The following GRIA3 variants were observed in gnomAD, a reference collection of about 807,000 sequenced individuals.
GRIA3 encodes glutamate ionotropic receptor AMPA type subunit 3, also known as glutamate receptor 3.
A neutral mutation model predicts 63.0 loss-of-function variants in GRIA3; 3 were observed. The observed-to-expected ratio is 0.05, with a 90% CI of 0.02 to 0.12. The LOEUF (loss-of-function observed/expected upper bound fraction) is 0.12. Among genes scored for constraint, GRIA3 ranks in the 10% least tolerant of loss-of-function variants. The pLI is 1.00. For synonymous variants in GRIA3, 274 were observed against 257.9 expected, an observed-to-expected ratio of 1.06 and a Z score of -0.60; for missense variants, 347 against 700.9, an observed-to-expected ratio of 0.50 and a Z score of 5.70.
chrX:123,239,915 A>G (rs2044320705), intron 2 of GRIA3, among the ~76,000 whole-genome samples: 1 of 112,138 alleles, frequency 8.9e-6, no homozygotes, highest in African/African-American at 3.2e-5. Flanking sequence ...CATTTTGAGC[A>G]AGTACCTTTC....
Position 123,260,457 on chromosome X carries a change from A to AAAGAAAGAAAGG in GRIA3, c.508+6918_508+6919insAAAGAAAGGAAG, listed in dbSNP as rs1556255552. Among the ~76,000 whole-genome samples the AAAGAAAGAAAGG allele has an allele frequency of 3.7e-3, 40 of 10,847 alleles. 7 individuals carry two copies. Among genetic ancestry groups the AAAGAAAGAAAGG allele is most frequent in the South Asian group, 0.015 (1 of 67 alleles). The allele number at this position is 10,847 out of a possible 115,157, so 9.4% of individuals were successfully genotyped here. A position where few individuals can be genotyped will look rare whatever the true frequency, so the allele number is the denominator to read the frequency against. On this transcript the variant is annotated intron_variant, in intron 3 of 15. Transcript: ENST00000620443. ...GAAAGAAAGAAAGAAAGAAAGAAAG[A>AAAGAAAGAAAGG]AAGGAAGGAAGAAGAAAGGAAAGAA...
intron 3 of GRIA3, among the ~76,000 whole-genome samples, chrX:123,314,582 G>T (rs1053273062): frequency 8.9e-6 from 1 of 111,899 alleles, no homozygotes; most frequent in Non-Finnish European, 1.9e-5. Flanking sequence ...TTTCCTTTCA[G>T]CTGACAATGC....
chrX:123,189,328 T>A (rs1219627975), intron 2 of GRIA3, among the ~76,000 whole-genome samples: 3 of 112,404 alleles, frequency 2.7e-5, no homozygotes, highest in East Asian at 5.6e-4. Flanking sequence ...AAGTTACATG[T>A]GTGTTTTTTA....
chrX:123,408,743 C>T (rs2045489596), intron 10 of GRIA3, among the ~76,000 whole-genome samples: 1 of 112,290 alleles, frequency 8.9e-6, no homozygotes, highest in African/African-American at 3.2e-5. Context: ...CCTCCTTCCC[C>T]TGCCTAAAAC....
chrX:123,194,096 A>C (rs896373077), intron 2 of GRIA3, among the ~76,000 whole-genome samples: 28 of 111,293 alleles, frequency 2.5e-4, no homozygotes, highest in African/African-American at 9.2e-4. Context: ...GACCGAAGTC[A>C]TACCCTTCTG....
At chrX:123,353,317 G>A (rs970405146) in intron 4 of GRIA3, among the ~76,000 whole-genome samples, 2 of 111,932 alleles carry the variant, frequency 1.8e-5, no homozygotes, top group African/African-American at 6.5e-5. Context: ...GGGTTCTAGA[G>A]GCAAATGGAC....
At chrX:123,358,362 G>C (rs1304458406) in intron 5 of GRIA3, 1 of 112,254 alleles carries the variant, frequency 8.9e-6, no homozygotes, top group Non-Finnish European at 1.9e-5. Context: ...TTGATACTGA[G>C]CTCTATCTGG....
intron 3 of GRIA3, among the ~76,000 whole-genome samples, chrX:123,267,448 T>C (rs2044494994): frequency 8.9e-6 from 1 of 112,137 alleles, no homozygotes; most frequent in Non-Finnish European, 1.9e-5. Flanking sequence ...TCTCAGCCAG[T>C]AGAATCATTA....
intron 5 of GRIA3, among the ~76,000 whole-genome samples, chrX:123,360,532 A>T (rs1222050515): frequency 9.9e-6 from 1 of 101,145 alleles, no homozygotes; most frequent in Non-Finnish European, 2.0e-5. Context: ...AAAAAAAAAA[A>T]AAAAAAAAAA....
chrX:123,220,883 G>C (rs1163489698), intron 2 of GRIA3, among the ~76,000 whole-genome samples: 2 of 111,983 alleles, frequency 1.8e-5, no homozygotes, highest in Non-Finnish European at 3.8e-5. Flanking sequence ...TGCTCAATGA[G>C]TACATGGAAA....
intron 2 of GRIA3, among the ~76,000 whole-genome samples, chrX:123,236,014 C>G (rs1193790209): frequency 9.0e-6 from 1 of 111,394 alleles, no homozygotes; most frequent in Non-Finnish European, 1.9e-5. Context: ...GACGTTTCTT[C>G]AGCCTTTCCA....
At chrX:123,272,224 C>T (rs1046161433) in intron 3 of GRIA3, among the ~76,000 whole-genome samples, 4 of 111,449 alleles carry the variant, frequency 3.6e-5, no homozygotes, top group Non-Finnish European at 5.7e-5. Flanking sequence ...GAGCCTGGGG[C>T]CCTAACCACG....
chrX:123,343,982 A>ATTGTGAG (rs1410474663), intron 4 of GRIA3, among the ~76,000 whole-genome samples: 2 of 111,278 alleles, frequency 1.8e-5, no homozygotes, highest in African/African-American at 6.6e-5. Context: ...TTTAGGTCTC[A>ATTGTGAG]CAATAACCCT....
At position 123,342,207 on chromosome X, in the gene GRIA3, A is replaced by G. The variant is rs772267229; in HGVS notation, c.697-12703A>G. On this transcript the variant is annotated intron_variant, in intron 4 of 15. Transcript: ENST00000620443. ...CCCCCTGCTTTTGAAAGGTATAGCT[A>G]TAGCTAATAACCTTTACTTTGGGCT... Among the ~76,000 whole-genome samples the G allele has an allele frequency of 6.2e-5, 7 of 112,372 alleles. No individual in the cohort carries two copies. The East Asian group carries it at 2.0e-3, about 31-fold the overall frequency.
chrX:123,392,651 A>G (rs2045392977), intron 5 of GRIA3, among the ~76,000 whole-genome samples: 1 of 111,873 alleles, frequency 8.9e-6, no homozygotes, highest in African/African-American at 3.3e-5. Context: ...CTTCCAGATG[A>G]TCCCAGCCAA....
At chrX:123,345,570 G>A (rs759965417) in intron 4 of GRIA3, among the ~76,000 whole-genome samples, 3 of 110,233 alleles carry the variant, frequency 2.7e-5, no homozygotes, top group East Asian at 2.8e-4. Flanking sequence ...AGAGGATGGC[G>A]CAGGGGAAGG....
At chrX:123,264,251 G>C (rs779901289) in intron 3 of GRIA3, among the ~76,000 whole-genome samples, 1 of 112,270 alleles carries the variant, frequency 8.9e-6, no homozygotes, top group East Asian at 2.8e-4. Flanking sequence ...GGAGCATTCT[G>C]TCTGGTTTCA....
intron 1 of GRIA3, 104 bp from the exon 2 acceptor site, chrX:123,185,728 C>A (rs906419387): frequency 3.2e-6 from 2 of 629,268 alleles, no homozygotes; most frequent in Admixed American, 2.4e-5. Context: ...AATCCCACAC[C>A]CCAGTATCAT....
At chrX:123,408,735 T>G (rs1020881577) in intron 10 of GRIA3, among the ~76,000 whole-genome samples, 19 of 112,272 alleles carry the variant, frequency 1.7e-4, no homozygotes, top group Non-Finnish European at 3.6e-4. Context: ...AATGTCCTCC[T>G]CCTTCCCCTG....
Sources: allele counts gnomAD v4.1 joint callset (sites outside exome capture counted in the v4.1 genomes callset), GRCh38; gene constraint gnomAD v4.1.1; transcripts MANE v1.5; gene names NCBI Gene and HGNC (gene_info 2026-07-23, HGNC 2026-07-21).